Variants in KCND2 observed in about 807,000 individuals in gnomAD.
The protein encoded by KCND2 is potassium voltage-gated channel subfamily D member 2, also known as A-type voltage-gated potassium channel KCND2.
Under a neutral mutation model 54.4 loss-of-function variants are expected in KCND2, and 16 were observed. The ratio of observed to expected loss-of-function variants is 0.29; its 90% CI spans 0.20 to 0.45. The LOEUF is 0.45. Among genes scored for constraint, KCND2 ranks in the 20% least tolerant of loss-of-function variants. The pLI is 1.00. For missense variants in KCND2, 486 were observed against 824.2 expected (o/e 0.59, Z 5.02); for synonymous variants, 317 against 310.7 (o/e 1.02, Z -0.21).
intron 1 of KCND2, among the ~76,000 whole-genome samples, chr7:120,500,669 T>C (rs1307436764): frequency 6.6e-6 from 1 of 151,980 alleles, no homozygotes; most frequent in African/African-American, 2.4e-5. Flanking sequence ...ATTAAAATTA[T>C]GTTTGAGTTA....
chr7:120,655,928 A>G (rs909827235), intron 1 of KCND2, among the ~76,000 whole-genome samples: 1 of 152,162 alleles, frequency 6.6e-6, no homozygotes, highest in Non-Finnish European at 1.5e-5. Context: ...GGTCAAAATT[A>G]AAGAAGAAAA....
chr7:120,385,490 C>T (rs932156594), intron 1 of KCND2, among the ~76,000 whole-genome samples: 1 of 152,024 alleles, frequency 6.6e-6, no homozygotes, highest in Non-Finnish European at 1.5e-5. Flanking sequence ...TTACCCCCAA[C>T]GTAAGCAAAA....
At chr7:120,617,239 G>A (rs563191098) in intron 1 of KCND2, among the ~76,000 whole-genome samples, 2 of 152,250 alleles carry the variant, frequency 1.3e-5, no homozygotes, top group African/African-American at 4.8e-5. Context: ...TTGTATGCCA[G>A]GCTTTGTGTG....
chr7:120,288,586 C>G (rs1799383356), intron 1 of KCND2, among the ~76,000 whole-genome samples: 2 of 152,002 alleles, frequency 1.3e-5, no homozygotes. Context: ...CATGTTCTTT[C>G]TTGATAGATA....
At chr7:120,593,253 A>G in intron 1 of KCND2, among the ~76,000 whole-genome samples, 1 of 152,200 alleles carries the variant, frequency 6.6e-6, no homozygotes, top group Non-Finnish European at 1.5e-5. Context: ...GAGCTGATCC[A>G]ATCACATACT....
At chr7:120,430,007 T>A (rs1275010301) in intron 1 of KCND2, among the ~76,000 whole-genome samples, 2 of 152,202 alleles carry the variant, frequency 1.3e-5, no homozygotes, top group Non-Finnish European at 2.9e-5. Flanking sequence ...TACCAGCAGA[T>A]TTTAATATTA....
chr7:120,441,847 T>C (rs1356788185), intron 1 of KCND2, among the ~76,000 whole-genome samples: 1 of 152,138 alleles, frequency 6.6e-6, no homozygotes, highest in East Asian at 1.9e-4. Flanking sequence ...TAAATTTCTT[T>C]CTAGCACCTT....
chr7:120,516,489 C>G (rs942841467), intron 1 of KCND2, among the ~76,000 whole-genome samples: 9 of 151,976 alleles, frequency 5.9e-5, no homozygotes, highest in Non-Finnish European at 1.3e-4. Flanking sequence ...AGAAAGACAC[C>G]CTGATGGCTT....
intron 1 of KCND2, among the ~76,000 whole-genome samples, chr7:120,408,491 C>T (rs1011105613): frequency 2.6e-5 from 4 of 151,802 alleles, no homozygotes; most frequent in African/African-American, 9.7e-5. Context: ...CTACACAGAC[C>T]ATATACTCAA....
rs377138535 is a variant in KCND2, at chr7:120,332,491, G to A, written c.1115+56744G>A. On this transcript the variant is annotated intron_variant, in intron 1 of 5. Coordinates refer to ENST00000331113, the MANE Select transcript of KCND2 (RefSeq NM_012281.3). ...TCTCTTAGAATGTTCTTTATTAAAT[G>A]TAAGAAACCCAAATGCAGTTAGATT... Among the ~76,000 whole-genome samples, 4 of 152,086 alleles carry A rather than the reference G, an allele frequency of 2.6e-5. No homozygotes were observed. In the East Asian group the frequency reaches 7.7e-4, roughly 29 times the overall value.
chr7:120,594,750 T>C (rs1334924427), intron 1 of KCND2, among the ~76,000 whole-genome samples: 2 of 152,164 alleles, frequency 1.3e-5, no homozygotes, highest in Admixed American at 6.5e-5. Flanking sequence ...AGCCGGGTAC[T>C]GTGGCTCACG....
intron 1 of KCND2, among the ~76,000 whole-genome samples, chr7:120,354,486 C>G (rs905980099): frequency 3.9e-5 from 6 of 152,176 alleles, no homozygotes; most frequent in Admixed American, 3.3e-4. Flanking sequence ...TATGGAAAGC[C>G]CATTGCTATG....
intron 1 of KCND2, among the ~76,000 whole-genome samples, chr7:120,479,258 AT>A (rs1802569615): frequency 6.6e-6 from 1 of 152,198 alleles, no homozygotes; most frequent in Non-Finnish European, 1.5e-5. Context: ...TAAGAAAAAA[AT>A]ATAAACATAT....
intron 1 of KCND2, among the ~76,000 whole-genome samples, chr7:120,441,900 G>C (rs1427844147): frequency 6.6e-6 from 1 of 152,064 alleles, no homozygotes; most frequent in African/African-American, 2.4e-5. Context: ...CAAGTTGGCA[G>C]CCAGCTAATA....
At chr7:120,584,357 C>T (rs377040163) in intron 1 of KCND2, among the ~76,000 whole-genome samples, 6 of 152,284 alleles carry the variant, frequency 3.9e-5, no homozygotes, top group East Asian at 1.9e-4. Context: ...GCTCTTTCAG[C>T]GCATTTTAAA....
At chr7:120,578,241 TCAAG>T (rs1417385058) in intron 1 of KCND2, among the ~76,000 whole-genome samples, 1 of 152,064 alleles carries the variant, frequency 6.6e-6, no homozygotes, top group Non-Finnish European at 1.5e-5. Flanking sequence ...TGAGCCATGA[TCAAG>T]CCACTGTGCT....
At chr7:120,369,309 C>T (rs893439396) in intron 1 of KCND2, among the ~76,000 whole-genome samples, 2 of 151,900 alleles carry the variant, frequency 1.3e-5, no homozygotes, top group African/African-American at 4.8e-5. Context: ...TTATTTTCAA[C>T]TCTAAGTTAA....
chr7:120,434,065 T>C (rs1365296258), intron 1 of KCND2, among the ~76,000 whole-genome samples: 1 of 152,106 alleles, frequency 6.6e-6, no homozygotes, highest in African/African-American at 2.4e-5. Flanking sequence ...GTAAGGGAAA[T>C]CATAGTCAGA....
At chr7:120,717,306 G>A (rs189043794) in intron 1 of KCND2, among the ~76,000 whole-genome samples, 1 of 152,114 alleles carries the variant, frequency 6.6e-6, no homozygotes, top group African/African-American at 2.4e-5. Context: ...TGGGCAGGTA[G>A]CATATACAGT....
Sources: allele counts gnomAD v4.1 joint callset (sites outside exome capture counted in the v4.1 genomes callset), GRCh38; gene constraint gnomAD v4.1.1; transcripts MANE v1.5; gene names NCBI Gene and HGNC (gene_info 2026-07-23, HGNC 2026-07-21).